Variants in GPHN observed in about 807,000 individuals in gnomAD.
The protein encoded by GPHN is gephyrin.
A neutral mutation model predicts 95.5 loss-of-function variants in GPHN; 17 were observed. The observed-to-expected ratio is 0.18, with a 90% CI of 0.12 to 0.27. GPHN has a LOEUF of 0.27. Among genes scored for constraint, GPHN ranks in the 10% least tolerant of loss-of-function variants. The pLI is 1.00. For synonymous variants in GPHN, 320 were observed against 322.5 expected (o/e 0.99, Z 0.08); for missense variants, 660 against 978.1 (o/e 0.67, Z 4.34).
chr14:66,761,255 A>G lies in GPHN; in HGVS notation c.144-15209A>G, dbSNP rs1340696495. Among the ~76,000 whole-genome samples the G allele has an allele frequency of 3.3e-5, 5 of 152,182 alleles. No homozygotes were observed. The East Asian group carries it at 9.6e-4, about 29-fold the overall frequency. ...AATCATGAAAATTCTACTTATAACT[A>G]TAGAAGTGAATTGTGGATGTAAAAT... On this transcript the variant is annotated intron_variant, in intron 2 of 22. Transcript: ENST00000478722.
intron 11 of GPHN, among the ~76,000 whole-genome samples, chr14:67,062,797 C>A (rs796297744): frequency 1.3e-5 from 2 of 151,990 alleles, no homozygotes; most frequent in Admixed American, 6.6e-5. Flanking sequence ...TGTTTAAGTT[C>A]TTTTAGTAGA....
chr14:66,966,342 C>G (rs975343799), intron 9 of GPHN, among the ~76,000 whole-genome samples: 3 of 151,954 alleles, frequency 2.0e-5, no homozygotes, highest in Non-Finnish European at 4.4e-5. Flanking sequence ...TTACAATCTT[C>G]TCAGCAATGT....
chr14:67,343,745 C>T, the GPHN span, among the ~76,000 whole-genome samples: 2 of 152,138 alleles, frequency 1.3e-5, no homozygotes, highest in African/African-American at 4.8e-5. Context: ...TAGCATGCAC[C>T]TGTAGTCCCA....
chr14:67,596,868 C>G, the GPHN span, among the ~76,000 whole-genome samples: 1 of 152,226 alleles, frequency 6.6e-6, no homozygotes, highest in East Asian at 1.9e-4. Flanking sequence ...ATATTCGGAA[C>G]TGAGGAAATT....
At chr14:67,349,783 G>C in the GPHN span, among the ~76,000 whole-genome samples, 6 of 152,226 alleles carry the variant, frequency 3.9e-5, no homozygotes, top group South Asian at 1.2e-3. Flanking sequence ...ATACACTATT[G>C]ATTGATCTCC....
At chr14:67,274,256 G>A in the GPHN span, among the ~76,000 whole-genome samples, 2 of 152,144 alleles carry the variant, frequency 1.3e-5, no homozygotes, top group Non-Finnish European at 2.9e-5. Context: ...CTGGTTTTAG[G>A]TCTAACATTT....
At chr14:67,531,407 C>A in the GPHN span, among the ~76,000 whole-genome samples, 1 of 152,226 alleles carries the variant, frequency 6.6e-6, no homozygotes, top group Non-Finnish European at 1.5e-5. Context: ...ACCTCTACCA[C>A]CCTCCCACAG....
chr14:66,874,887 A>G (rs2153530138), intron 4 of GPHN, among the ~76,000 whole-genome samples: 1 of 152,294 alleles, frequency 6.6e-6, no homozygotes. Context: ...GCCAGCATTC[A>G]AATTCAGGAA....
At chr14:67,579,997 T>G in the GPHN span, 4 of 927,588 alleles carry the variant, frequency 4.3e-6, no homozygotes, top group Non-Finnish European at 6.4e-6. Flanking sequence ...GAGCCCAAGG[T>G]GCTGCCCTAG....
chr14:67,047,334 TTGTGTGTG>T (rs778266656), intron 10 of GPHN, among the ~76,000 whole-genome samples: 3 of 109,706 alleles, frequency 2.7e-5, no homozygotes, highest in South Asian at 3.2e-4. Flanking sequence ...GTGTGTGTGT[TTGTGTGTG>T]TGTGTGTGTG....
chr14:67,139,105 C>T (rs1404212723), intron 17 of GPHN, among the ~76,000 whole-genome samples: 2 of 151,554 alleles, frequency 1.3e-5, no homozygotes, highest in Non-Finnish European at 2.9e-5. Flanking sequence ...CATTTGTAAT[C>T]CCAGATGCTT....
At chr14:67,042,967 C>G (rs1288843576) in intron 10 of GPHN, among the ~76,000 whole-genome samples, 3 of 152,062 alleles carry the variant, frequency 2.0e-5, no homozygotes, top group Non-Finnish European at 4.4e-5. Flanking sequence ...AGTCGTATTC[C>G]TAGGTATTTT....
At chr14:67,392,860 G>C in the GPHN span, 1 of 1,602,564 alleles carries the variant, frequency 6.2e-7, no homozygotes, top group African/African-American at 1.3e-5. Flanking sequence ...CTGGCCAAGG[G>C]CAGCACCAGT....
At chr14:67,600,260 G>A in the GPHN span, 1 of 1,414,842 alleles carries the variant, frequency 7.1e-7, no homozygotes, top group South Asian at 1.4e-5. Flanking sequence ...CGCCGGCCCT[G>A]GCCGTCTCGC....
At chr14:67,145,902 G>A (rs1446115759) in intron 18 of GPHN, among the ~76,000 whole-genome samples, 1 of 152,262 alleles carries the variant, frequency 6.6e-6, no homozygotes, top group East Asian at 1.9e-4. Context: ...GGACTGGTGG[G>A]AAATTTTATT....
intron 3 of GPHN, among the ~76,000 whole-genome samples, chr14:66,814,153 G>T (rs563892466): frequency 1.3e-5 from 2 of 152,234 alleles, no homozygotes; most frequent in Admixed American, 1.3e-4. Flanking sequence ...GAGCTGGCAA[G>T]TCTCACTCCT....
chr14:67,250,422 G>A, the GPHN span, among the ~76,000 whole-genome samples: 824 of 152,228 alleles, frequency 5.4e-3, 8 homozygotes, highest in African/African-American at 0.018. Context: ...TTAAACAGTG[G>A]TTCTTCTGTC....
the GPHN span, among the ~76,000 whole-genome samples, chr14:67,391,269 A>ATGTGTGTG: frequency 0.023 from 3,207 of 139,496 alleles, 52 homozygotes; most frequent in Non-Finnish European, 0.032. Context: ...TAAGCAGCTG[A>ATGTGTGTG]TATGTGTGTG....
At chr14:66,543,311 A>C (rs1455064589) in intron 1 of GPHN, among the ~76,000 whole-genome samples, 2 of 152,170 alleles carry the variant, frequency 1.3e-5, no homozygotes, top group African/African-American at 4.8e-5. Context: ...CTAAATCTCA[A>C]GTTAATTTCT....
Sources: gnomAD v4.1 joint callset for allele counts (sites outside exome capture counted in the v4.1 genomes callset) on GRCh38, gnomAD v4.1.1 for gene constraint, MANE v1.5 for transcripts, NCBI Gene and HGNC (gene_info 2026-07-23, HGNC 2026-07-21) for gene names.